Variants in TLL2 observed in about 807,000 individuals in gnomAD.
TLL2 encodes tolloid-like protein 2.
Under a neutral mutation model 123.0 loss-of-function variants are expected in TLL2, and 106 were observed. The ratio of observed to expected loss-of-function variants is 0.86; its 90% CI spans 0.74 to 1.01. The LOEUF (loss-of-function observed/expected upper bound fraction) is 1.01, where lower values mean the gene tolerates loss of function less well. Among genes scored for constraint, TLL2 ranks in the 50% least tolerant of loss-of-function variants. The pLI, the probability that TLL2 is intolerant of heterozygous loss-of-function variation, is 0.00. For missense variants in TLL2, 1,332 were observed against 1,336.7 expected (o/e 1.00, Z 0.06); for synonymous variants, 494 against 516.8 (o/e 0.96, Z 0.60).
chr10:96,497,136 A>G (rs1274645579), intron 1 of TLL2, among the ~76,000 whole-genome samples: 1 of 152,106 alleles, frequency 6.6e-6, no homozygotes, highest in South Asian at 2.1e-4. Flanking sequence ...AAAAAAATAC[A>G]AAAATTAGCC....
intron 9 of TLL2, among the ~76,000 whole-genome samples, chr10:96,408,052 C>A (rs1479320967): frequency 6.6e-6 from 1 of 152,212 alleles, no homozygotes; most frequent in African/African-American, 2.4e-5. Flanking sequence ...GGAGGGGGAC[C>A]CAAAATAAAC....
chr10:96,503,380 T>C (rs4917740), intron 1 of TLL2, among the ~76,000 whole-genome samples: 18,256 of 152,216 alleles, frequency 0.12, 1,124 homozygotes, highest in African/African-American at 0.14. Context: ...CAAGATTATA[T>C]GATGGGTTTC....
intron 1 of TLL2, among the ~76,000 whole-genome samples, chr10:96,486,994 G>T (rs547557496): frequency 6.6e-6 from 1 of 152,220 alleles, no homozygotes; most frequent in East Asian, 1.9e-4. Context: ...AATCCTTTAC[G>T]AAGGCACTTT....
chr10:96,475,761 T>C (rs1488793030), intron 2 of TLL2, among the ~76,000 whole-genome samples: 2 of 152,192 alleles, frequency 1.3e-5, no homozygotes, highest in African/African-American at 2.4e-5. Flanking sequence ...GATGGCTCTG[T>C]GTCCCCACCC....
chr10:96,480,511 T>A (rs1438112502), intron 1 of TLL2, 52 bp from the exon 2 acceptor site: 1 of 1,429,430 alleles, frequency 7.0e-7, no homozygotes, highest in Non-Finnish European at 9.9e-7. Flanking sequence ...TCAAGAAAAA[T>A]GGATTCACTA....
At chr10:96,433,513 G>C (rs915675607) in intron 3 of TLL2, among the ~76,000 whole-genome samples, 5 of 152,126 alleles carry the variant, frequency 3.3e-5, no homozygotes, top group African/African-American at 1.2e-4. Context: ...GCAAACACAA[G>C]GAGGTTCGAT....
At chr10:96,383,692 C>T (rs1331743492) in intron 16 of TLL2, among the ~76,000 whole-genome samples, 2 of 152,186 alleles carry the variant, frequency 1.3e-5, no homozygotes, top group Non-Finnish European at 2.9e-5. Context: ...ACCATCTTGG[C>T]TCACTGCAAC....
At chr10:96,430,395 C>T (rs539197345) in intron 4 of TLL2, among the ~76,000 whole-genome samples, 1 of 152,352 alleles carries the variant, frequency 6.6e-6, no homozygotes, top group South Asian at 2.1e-4. Context: ...TGCCACCATG[C>T]TTCTCAGACA....
At chr10:96,420,758 A>G (rs1388224080) in intron 7 of TLL2, among the ~76,000 whole-genome samples, 198 bp downstream of exon 7, 1 of 152,118 alleles carries the variant, frequency 6.6e-6, no homozygotes, top group Non-Finnish European at 1.5e-5. Flanking sequence ...TAGCTTCACA[A>G]TGGGATTCAA....
In TLL2 at chr10:96,397,260, G is replaced by T. The variant is rs113406248; in HGVS notation, c.1310C>A (p.Thr437Lys). 6.2e-7 allele frequency: 1 copy of T among 1,613,846 alleles called. No homozygotes were observed. Among genetic ancestry groups the T allele is most frequent in the Non-Finnish European group, 8.5e-7 (1 of 1,179,812 alleles). Residue 437 changes from threonine (T) to lysine (K), a missense_variant, in exon 11 of 21, where the codon ACG becomes AAG. Thr to Lys is a moderately conservative substitution (Grantham distance 78, BLOSUM62 -1). Coordinates refer to ENST00000357947, the MANE Select transcript of TLL2 (RefSeq NM_012465.4). The part of the protein sequence containing the change: ...GDKIPEPLVS[T>K]DSRLWVEFRS... ...GAACTCCACCCAGAGCCGGCTGTCC[G>T]TGGAGACGAGGGGCTCCGGGATCTT...
In TLL2 at chr10:96,421,081, T is replaced by A. The variant is rs1425642525; in HGVS notation, c.818-20A>T. On this transcript the variant is annotated intron_variant, in intron 6 of 20. Coordinates refer to ENST00000357947, the MANE Select transcript of TLL2 (RefSeq NM_012465.4). ...CCTGACCTGTGACACAACACTGTGT[T>A]AAGCCCTTTGAAAACCAAGTCAGGC... 6.2e-7 allele frequency: 1 copy of A among 1,602,964 alleles called. No homozygotes were observed. Among genetic ancestry groups the A allele is most frequent in the East Asian group, 2.2e-5 (1 of 44,798 alleles).
At chr10:96,401,208 T>G (rs1846389910) in intron 10 of TLL2, among the ~76,000 whole-genome samples, 1 of 152,236 alleles carries the variant, frequency 6.6e-6, no homozygotes, top group Admixed American at 6.5e-5. Context: ...CCATTATGCC[T>G]GGATTTTCAC....
chr10:96,502,472 A>T (rs907837913), intron 1 of TLL2, among the ~76,000 whole-genome samples: 1 of 152,162 alleles, frequency 6.6e-6, no homozygotes, highest in Non-Finnish European at 1.5e-5. Context: ...GATGGAGAGA[A>T]GTGGACGGGC....
At chr10:96,372,311 G>GCTACCTCCA (rs1846091793) in intron 19 of TLL2, among the ~76,000 whole-genome samples, 1 of 152,150 alleles carries the variant, frequency 6.6e-6, no homozygotes, top group Non-Finnish European at 1.5e-5. Flanking sequence ...AAAAACTGGA[G>GCTACCTCCA]GTAGAGGCTG....
intron 1 of TLL2, among the ~76,000 whole-genome samples, chr10:96,512,215 T>C (rs1252739300): frequency 6.6e-6 from 1 of 152,194 alleles, no homozygotes; most frequent in African/African-American, 2.4e-5. Context: ...CCTAGTAACC[T>C]GGTCTTCCCC....
intron 1 of TLL2, among the ~76,000 whole-genome samples, chr10:96,493,426 C>G (rs1024645770): frequency 9.2e-5 from 14 of 152,182 alleles, no homozygotes; most frequent in African/African-American, 3.4e-4. Context: ...AAAGGGACAG[C>G]ATGTGCAAAG....
At chr10:96,422,321 C>A (rs115471760) in intron 6 of TLL2, among the ~76,000 whole-genome samples, 285 of 151,752 alleles carry the variant, frequency 1.9e-3, no homozygotes, top group African/African-American at 6.6e-3. Context: ...CATGGAAAAT[C>A]ATTTTGCTTC....
chr10:96,431,949 C>T (rs927098191), intron 4 of TLL2, among the ~76,000 whole-genome samples: 1 of 151,910 alleles, frequency 6.6e-6, no homozygotes, highest in Non-Finnish European at 1.5e-5. Flanking sequence ...ATGAGGGGGG[C>T]ACGTCTTGGG....
intron 13 of TLL2, 107 bp downstream of exon 13, chr10:96,395,080 G>A (rs906045754): frequency 1.7e-6 from 2 of 1,211,866 alleles, no homozygotes; most frequent in African/African-American, 1.5e-5. Flanking sequence ...TTCTCTGCAG[G>A]GAGCCTTGTT....
Sources: gnomAD v4.1 joint callset for allele counts (sites outside exome capture counted in the v4.1 genomes callset) on GRCh38, gnomAD v4.1.1 for gene constraint, MANE v1.5 for transcripts, NCBI Gene and HGNC (gene_info 2026-07-23, HGNC 2026-07-21) for gene names.